Variants in FAT3 observed in about 807,000 individuals in gnomAD.
The protein encoded by FAT3 is protocadherin Fat 3.
In FAT3, 95 loss-of-function variants were observed where a neutral mutation model predicts 310.2. The ratio of observed to expected loss-of-function variants is 0.31; its 90% CI spans 0.26 to 0.36. The LOEUF is 0.36. FAT3 is among the 10% of genes least tolerant of loss of function. The probability of loss-of-function intolerance (pLI) is 1.00; values close to 1 mark genes in which losing one functional copy is unlikely to be tolerated. For synonymous variants in FAT3, 2,314 were observed against 2,192.9 expected (o/e 1.06, Z -1.54); for missense variants, 5,408 against 5,715.6 (o/e 0.95, Z 1.74).
At chr11:92,661,036 G>A (rs1942763000) in intron 3 of FAT3, among the ~76,000 whole-genome samples, 1 of 152,158 alleles carries the variant, frequency 6.6e-6, no homozygotes, top group Non-Finnish European at 1.5e-5. Flanking sequence ...TTTAATCTGG[G>A]CAGTTCACTA....
Position 92,844,380 on chromosome 11 carries a change from C to A in FAT3, c.11013C>A (p.Arg3671=), listed in dbSNP as rs1306091118. Residue 3671 remains arginine, a synonymous_variant, in exon 19 of 28, where the codon CGC becomes CGA. Transcript: ENST00000525166. ...FVGLHMHGFR[R]TLRNAVLTQK... is the part of the protein sequence containing the mutation. ...GGCTGCACATGCATGGGTTCCGGCG[C>A]ACCCTGCGGAATGCAGTCCTCACCC... is the stretch of plus-strand genomic sequence containing the variant. The A allele has an allele frequency of 1.9e-6, 3 of 1,613,822 alleles. No homozygotes were observed. In the African/African-American group the frequency reaches 4.0e-5, roughly 22 times the overall value.
chr11:92,413,258 A>G (rs1208265364), intron 2 of FAT3, among the ~76,000 whole-genome samples: 7 of 152,206 alleles, frequency 4.6e-5, no homozygotes, highest in Non-Finnish European at 8.8e-5. Flanking sequence ...ATCAGGCCAG[A>G]CAAGTGGGGC....
At position 92,396,863 on chromosome 11, in the gene FAT3, C is replaced by T. The variant is rs544442307; in HGVS notation, c.3292+41459C>T. Among the ~76,000 whole-genome samples, 5 of 152,200 alleles carry T rather than the reference C, an allele frequency of 3.3e-5. No individual in the cohort carries two copies. In the East Asian group the frequency reaches 5.8e-4, roughly 18 times the overall value. On this transcript the variant is annotated intron_variant, in intron 2 of 27. Coordinates refer to ENST00000525166, the MANE Select transcript of FAT3 (RefSeq NM_001367949.2). ...CTGGGATTACAGGCACCCACCACCA[C>T]ACCCAGCTAATTTTTGTATTTCTAG...
intron 6 of FAT3, among the ~76,000 whole-genome samples, chr11:92,773,161 A>G (rs1946500945): frequency 1.3e-5 from 2 of 152,130 alleles, no homozygotes; most frequent in South Asian, 4.1e-4. Flanking sequence ...AAAATCTTTC[A>G]TTTTGGGAAG....
chr11:92,773,094 C>T (rs192090103), intron 6 of FAT3, among the ~76,000 whole-genome samples: 2 of 152,244 alleles, frequency 1.3e-5, no homozygotes, highest in East Asian at 3.9e-4. Context: ...TGAACATACA[C>T]TCATGCTTAA....
At chr11:92,472,913 G>GT (rs1951946088) in intron 2 of FAT3, among the ~76,000 whole-genome samples, 2 of 152,182 alleles carry the variant, frequency 1.3e-5, no homozygotes, top group Admixed American at 1.3e-4. Flanking sequence ...TTATAGGCCA[G>GT]TTTTTGGTTC....
chr11:92,357,027 C>T (rs1370288292), intron 2 of FAT3, among the ~76,000 whole-genome samples: 1 of 152,112 alleles, frequency 6.6e-6, no homozygotes, highest in African/African-American at 2.4e-5. Flanking sequence ...TCACCCCTGA[C>T]TTTGCCACAT....
chr11:92,830,886 C>T (rs1045420458), intron 13 of FAT3, among the ~76,000 whole-genome samples: 1 of 152,180 alleles, frequency 6.6e-6, no homozygotes, highest in African/African-American at 2.4e-5. Flanking sequence ...AGGAACCCTT[C>T]ATTTCTCACC....
chr11:92,565,824 C>G (rs1450197819), intron 3 of FAT3, among the ~76,000 whole-genome samples: 1 of 152,124 alleles, frequency 6.6e-6, no homozygotes, highest in Non-Finnish European at 1.5e-5. Context: ...AGGCCTTTGA[C>G]AAAATTCAAC....
chr11:92,465,185 A>AGGGGG (rs1461354962), intron 2 of FAT3, among the ~76,000 whole-genome samples: 1 of 152,200 alleles, frequency 6.6e-6, no homozygotes, highest in African/African-American at 2.4e-5. Flanking sequence ...TGCTGAATCA[A>AGGGGG]TTTATTTTTC....
At chr11:92,888,185 G>T (rs1260919598) in intron 25 of FAT3, among the ~76,000 whole-genome samples, 2 of 152,140 alleles carry the variant, frequency 1.3e-5, no homozygotes, top group African/African-American at 4.8e-5. Flanking sequence ...AAGTGCAGAT[G>T]CCTTCAGTGT....
At chr11:92,405,190 T>A (rs750900742) in intron 2 of FAT3, among the ~76,000 whole-genome samples, 1 of 152,108 alleles carries the variant, frequency 6.6e-6, no homozygotes, top group Non-Finnish European at 1.5e-5. Flanking sequence ...CTCTCCTGTT[T>A]GACAGATGTT....
At chr11:92,511,234 C>T (rs1263863583) in intron 2 of FAT3, among the ~76,000 whole-genome samples, 2 of 152,208 alleles carry the variant, frequency 1.3e-5, no homozygotes, top group African/African-American at 4.8e-5. Context: ...GGATAATTCA[C>T]AGATGGAGAG....
intron 2 of FAT3, among the ~76,000 whole-genome samples, chr11:92,446,059 C>G (rs558650755): frequency 6.6e-6 from 1 of 152,268 alleles, no homozygotes; most frequent in Admixed American, 6.5e-5. Context: ...GGGAATTTAT[C>G]TGTCATGTGC....
intron 2 of FAT3, among the ~76,000 whole-genome samples, chr11:92,364,812 CT>C (rs1948974795): frequency 6.6e-6 from 1 of 152,164 alleles, no homozygotes; most frequent in Admixed American, 6.5e-5. Context: ...CTCTGGGCCA[CT>C]CTTTGTGATT....
rs76014082 is a variant in FAT3 at position 92,779,232 on chromosome 11, A to G, written c.4335+5052A>G. On this transcript the variant is annotated intron_variant, in intron 7 of 27. Coordinates refer to ENST00000525166, the MANE Select transcript of FAT3 (RefSeq NM_001367949.2). The stretch of plus-strand genomic sequence containing the variant: ...AGGAGGATGGGGTTATCGTCCCTCC[A>G]AACATAAAGTAGCACTACGAAGCCA... 3.5e-3 allele frequency among the ~76,000 whole-genome samples: 530 copies of G among 152,308 alleles called. 2 individuals are homozygous for G. The highest frequency in any genetic ancestry group is 0.012 in the African/African-American group (509 of 41,562).
chr11:92,507,307 A>G (rs1480578016), intron 2 of FAT3, among the ~76,000 whole-genome samples: 1 of 152,132 alleles, frequency 6.6e-6, no homozygotes, highest in South Asian at 2.1e-4. Context: ...AGAGAAAACC[A>G]TACACTTCCC....
At position 92,710,406 on chromosome 11, in the gene FAT3, T is replaced by C. The variant is rs72962413; in HGVS notation, c.3669+12961T>C. ...ACTTTGGCAAAGTCTCAACTTTGCA[T>C]GTCCCATCTTTGCCCTCCAAGGCCT... On this transcript the variant is annotated intron_variant, in intron 4 of 27. Transcript: ENST00000525166. Among the ~76,000 whole-genome samples the C allele has an allele frequency of 6.4e-3, 981 of 152,324 alleles. 3 individuals are homozygous for C. Among genetic ancestry groups the C allele is most frequent in the Non-Finnish European group, 0.011 (738 of 68,028 alleles).
At position 92,701,143 on chromosome 11, in the gene FAT3, C is replaced by G. The variant is rs1280254465; in HGVS notation, c.3669+3698C>G. 1.3e-5 allele frequency among the ~76,000 whole-genome samples: 2 copies of G among 152,168 alleles called. 1 individual carries two copies. Among genetic ancestry groups the G allele is most frequent in the Non-Finnish European group, 2.9e-5 (2 of 68,022 alleles). On this transcript the variant is annotated intron_variant, in intron 4 of 27. Transcript: ENST00000525166. ...TTAAACTCATATTAACCTTCTGGCT[C>G]TATTTCATATCTGTCCTTCCCAATA...
Sources: gnomAD v4.1 joint callset for allele counts (sites outside exome capture counted in the v4.1 genomes callset) on GRCh38, gnomAD v4.1.1 for gene constraint, MANE v1.5 for transcripts, NCBI Gene and HGNC (gene_info 2026-07-23, HGNC 2026-07-21) for gene names.